The following VPS37B variants were observed in gnomAD, a reference collection of about 807,000 sequenced individuals.
VPS37B encodes VPS37B subunit of ESCRT-I, also known as vacuolar protein sorting-associated protein 37B.
A neutral mutation model predicts 21.2 loss-of-function variants in VPS37B; 11 were observed. That is an observed-to-expected ratio of 0.52 (90% CI 0.33 to 0.86). The LOEUF is 0.86. Ranked by LOEUF, VPS37B falls within the 40% of genes least tolerant of loss-of-function variation. The probability of loss-of-function intolerance (pLI) is 0.03; values close to 1 mark genes in which losing one functional copy is unlikely to be tolerated. For missense variants in VPS37B, 389 were observed against 374.8 expected, an observed-to-expected ratio of 1.04 and a Z score of -0.31; for synonymous variants, 175 against 159.6, an observed-to-expected ratio of 1.10 and a Z score of -0.73.
At chr12:122,872,002 T>C in intron 1 of VPS37B, 1 of 985,418 alleles carries the variant, frequency 1.0e-6, no homozygotes, top group Non-Finnish European at 1.2e-6. Context: ...TGTGTCCCTG[T>C]TTCTCTTTAA....
chr12:122,892,891 T>C (rs2034437117), intron 1 of VPS37B, among the ~76,000 whole-genome samples: 1 of 152,184 alleles, frequency 6.6e-6, no homozygotes, highest in South Asian at 2.1e-4. Flanking sequence ...TGAAACTCCG[T>C]CTCTACTAAA....
Position 122,868,457 on chromosome 12 carries a change from C to G in VPS37B, c.366+23G>C. ...GACTGCCCAAAGCGCCCCAAGGATT[C>G]CACCAAGGCTGGTGGGCTTTACCTC... On this transcript the variant is annotated intron_variant, in intron 3 of 3. Transcript: ENST00000267202. The surrounding 1 kb of genome is among the most constrained non-coding windows in gnomAD (Gnocchi z 5.5). The G allele has an allele frequency of 6.2e-7, 1 of 1,609,084 alleles. No homozygotes were observed. The highest frequency in any genetic ancestry group is 8.5e-7 in the Non-Finnish European group (1 of 1,178,122).
intron 1 of VPS37B, among the ~76,000 whole-genome samples, chr12:122,892,363 G>A (rs1210163700): frequency 6.6e-6 from 1 of 152,120 alleles, no homozygotes; most frequent in Non-Finnish European, 1.5e-5. Context: ...AACAATGTAA[G>A]TGACGCATAA....
intron 1 of VPS37B, among the ~76,000 whole-genome samples, chr12:122,891,170 GC>G (rs1310877964): frequency 6.6e-6 from 1 of 152,208 alleles, no homozygotes; most frequent in Non-Finnish European, 1.5e-5. Flanking sequence ...GGTATCAAAA[GC>G]CAGTTCTGAC....
In VPS37B at chr12:122,867,007, C is replaced by A. The variant is rs887557664; in HGVS notation, c.*109G>T. On this transcript the variant is annotated 3_prime_UTR_variant, in exon 4 of 4. Coordinates refer to ENST00000267202, the MANE Select transcript of VPS37B (RefSeq NM_024667.3). The surrounding 1 kb of genome is among the most constrained non-coding windows in gnomAD (Gnocchi z 5.5). The stretch of plus-strand genomic sequence containing the variant: ...TTCTAAAATCAGACAGACACGCTGG[C>A]CCAGGGCCCCAGAGCCCTTGGCACA... The A allele has an allele frequency of 2.2e-6, 3 of 1,344,316 alleles. No homozygotes were observed. In the African/African-American group the frequency reaches 4.5e-5, roughly 20 times the overall value. The allele number at this position is 1,344,316 out of a possible 1,614,324, so 83.3% of individuals were successfully genotyped here. A position where few individuals can be genotyped will look rare whatever the true frequency, so the allele number is the denominator to read the frequency against.
chr12:122,867,016 C>G lies in VPS37B; in HGVS notation c.*100G>C. 7.2e-7 allele frequency: 1 copy of G among 1,386,120 alleles called. No homozygotes were observed. Among genetic ancestry groups the G allele is most frequent in the Non-Finnish European group, 9.4e-7 (1 of 1,061,324 alleles). The allele number at this position is 1,386,120 out of a possible 1,614,324, so 85.9% of individuals were successfully genotyped here. A position where few individuals can be genotyped will look rare whatever the true frequency, so the allele number is the denominator to read the frequency against. On this transcript the variant is annotated 3_prime_UTR_variant, in exon 4 of 4. Coordinates refer to ENST00000267202, the MANE Select transcript of VPS37B (RefSeq NM_024667.3). The surrounding 1 kb of genome is among the most constrained non-coding windows in gnomAD (Gnocchi z 5.5). ...CAGACAGACACGCTGGCCCAGGGCC[C>G]CAGAGCCCTTGGCACAGAGCGGACC...
intron 1 of VPS37B, among the ~76,000 whole-genome samples, chr12:122,891,853 T>C (rs1459811258): frequency 1.3e-5 from 2 of 152,246 alleles, no homozygotes; most frequent in East Asian, 1.9e-4. Flanking sequence ...ACCAGAGCTC[T>C]TTACTTTCCA....
intron 1 of VPS37B, among the ~76,000 whole-genome samples, chr12:122,892,294 G>A (rs1052192282): frequency 3.3e-5 from 5 of 152,068 alleles, no homozygotes; most frequent in African/African-American, 2.4e-5. Context: ...AATGAGGACC[G>A]TAGCTCCGAA....
intron 1 of VPS37B, chr12:122,888,827 TGGA>T (rs1045894908): frequency 1.3e-5 from 4 of 305,640 alleles, no homozygotes; most frequent in African/African-American, 8.7e-5. Context: ...CACAAGCACT[TGGA>T]GGAGAGTGGC....
chr12:122,882,482 CAA>C (rs2034259525), intron 1 of VPS37B: 1 of 152,020 alleles, frequency 6.6e-6, no homozygotes, highest in South Asian at 2.1e-4. Flanking sequence ...AAATTAAATT[CAA>C]AGTTATCTAT....
At chr12:122,877,023 G>T (rs1211160413) in intron 1 of VPS37B, 2 of 152,190 alleles carry the variant, frequency 1.3e-5, no homozygotes, top group African/African-American at 4.8e-5. Context: ...TCCTCCACCT[G>T]TAATTATAAT....
At chr12:122,892,364 T>A (rs1001805955) in intron 1 of VPS37B, among the ~76,000 whole-genome samples, 2 of 152,154 alleles carry the variant, frequency 1.3e-5, no homozygotes, top group East Asian at 3.9e-4. Context: ...ACAATGTAAG[T>A]GACGCATAAT....
At chr12:122,874,027 A>G (rs1198737356) in intron 1 of VPS37B, 3 of 152,226 alleles carry the variant, frequency 2.0e-5, no homozygotes, top group Admixed American at 2.0e-4. Context: ...ATCCTTGATG[A>G]AGCAGAGGCG....
At chr12:122,893,137 G>A (rs1025575093) in intron 1 of VPS37B, among the ~76,000 whole-genome samples, 1 of 151,994 alleles carries the variant, frequency 6.6e-6, no homozygotes, top group Non-Finnish European at 1.5e-5. Flanking sequence ...TCTTGAAATG[G>A]GATCCTAGTA....
In VPS37B at chr12:122,868,547, C is replaced by T. The variant is rs2033955853; in HGVS notation, c.299G>A (p.Ser100Asn). The change falls in exon 3 of 4, where the codon AGT becomes AAT. Residue 100 changes from serine to asparagine, a missense_variant. Coordinates refer to ENST00000267202, the MANE Select transcript of VPS37B (RefSeq NM_024667.3). This position sits in a 1 kb window ranked among gnomAD's most constrained non-coding sequence, Gnocchi z 5.5. ...TGCTAACAGGGTCTCCAAGGAAGCA[C>T]TGCTAGACTGTCTGTCTGGAAAAAA... ...KKTKLDRQSS[S>N]ASLETLLALL... The T allele has an allele frequency of 1.9e-6, 3 of 1,613,638 alleles. No individual in the cohort carries two copies. The highest frequency in any genetic ancestry group is 2.5e-6 in the Non-Finnish European group (3 of 1,179,850).
rs1040442333 is a variant in VPS37B, at chr12:122,866,638, G to A, written c.*478C>T. 2.0e-5 allele frequency: 3 copies of A among 153,206 alleles called. No homozygotes were observed. The highest frequency in any genetic ancestry group is 2.9e-5 in the Non-Finnish European group (2 of 68,558). The allele number at this position is 153,206 out of a possible 1,614,324, so 9.5% of individuals were successfully genotyped here. ...GTGAGCAACAACGCAGCCACAGGTG[G>A]TGGCCCAGCCACGGCGCTCTTCCAG... On this transcript the variant is annotated 3_prime_UTR_variant, in exon 4 of 4. Transcript: ENST00000267202.
chr12:122,871,995 G>T (rs1385885426), intron 1 of VPS37B: 2 of 985,200 alleles, frequency 2.0e-6, no homozygotes, highest in Non-Finnish European at 2.4e-6. Flanking sequence ...CCCAGCGTGT[G>T]TCCCTGTTTC....
intron 1 of VPS37B, chr12:122,888,758 C>A: frequency 2.9e-6 from 1 of 347,340 alleles, no homozygotes; most frequent in Non-Finnish European, 5.9e-6. Context: ...CTCTTTCCTT[C>A]TCCCAACCCA....
chr12:122,870,030 T>A (rs1166370849), intron 2 of VPS37B: 1 of 140,268 alleles, frequency 7.1e-6, no homozygotes, highest in Non-Finnish European at 1.5e-5. Flanking sequence ...ATAAAGTGTT[T>A]CAGTGATGCT....
Sources: allele counts gnomAD v4.1 joint callset (sites outside exome capture counted in the v4.1 genomes callset), GRCh38; gene constraint gnomAD v4.1.1; non-coding constraint Gnocchi (gnomAD v3.1); transcripts MANE v1.5; gene names NCBI Gene and HGNC (gene_info 2026-07-23, HGNC 2026-07-21).